Variants in DNAI4 observed in about 807,000 individuals in gnomAD.
DNAI4 encodes WD repeat domain 78.
In DNAI4, 85 loss-of-function variants were observed where a neutral mutation model predicts 105.8. The observed-to-expected ratio is 0.80, with a 90% confidence interval of 0.67 to 0.96. DNAI4 has a LOEUF of 0.96. Among genes scored for constraint, DNAI4 ranks in the 40% least tolerant of loss-of-function variants. DNAI4 has a pLI of 0.00. For missense variants in DNAI4, 1,014 were observed against 1,005.6 expected, an observed-to-expected ratio of 1.01 and a Z score of -0.11; for synonymous variants, 352 against 331.5, an observed-to-expected ratio of 1.06 and a Z score of -0.67.
At chr1:66,845,022 G>A (rs778966494) in intron 8 of DNAI4, among the ~76,000 whole-genome samples, 2 of 151,384 alleles carry the variant, frequency 1.3e-5, no homozygotes, top group East Asian at 1.9e-4. Flanking sequence ...GGTGAAACCC[G>A]GTCTCTACTA....
At chr1:66,842,072 G>A (rs1478845274) in intron 8 of DNAI4, among the ~76,000 whole-genome samples, 1 of 152,102 alleles carries the variant, frequency 6.6e-6, no homozygotes, top group Non-Finnish European at 1.5e-5. Flanking sequence ...TTATATAGTC[G>A]GAATCACACA....
intron 9 of DNAI4, among the ~76,000 whole-genome samples, chr1:66,838,960 C>T (rs188763964): frequency 6.4e-4 from 98 of 152,242 alleles, no homozygotes; most frequent in East Asian, 1.2e-3. Flanking sequence ...ACAGAGTTAA[C>T]GTTCAACAAA....
At chr1:66,831,362 T>A (rs1410185568) in intron 13 of DNAI4, among the ~76,000 whole-genome samples, 2 of 152,170 alleles carry the variant, frequency 1.3e-5, no homozygotes, top group Non-Finnish European at 2.9e-5. Context: ...CAATCTCTCT[T>A]CTAACCAAAG....
chr1:66,862,402 C>A (rs1232783287), intron 6 of DNAI4, 100 bp from the exon 7 acceptor site: 3 of 1,264,322 alleles, frequency 2.4e-6, no homozygotes, highest in Admixed American at 5.3e-5. Context: ...ATAAGAATAT[C>A]TACTATTGCC....
chr1:66,892,950 G>GAAGAAAGAAAGAAAGAAAGAAAGAAAGA (rs71058479), intron 3 of DNAI4, among the ~76,000 whole-genome samples: 12 of 91,974 alleles, frequency 1.3e-4, no homozygotes, highest in East Asian at 1.1e-3. Context: ...AGAAGAAAGA[G>GAAGAAAGAAAGAAAGAAAGAAAGAAAGA]AAGAAAGAAA....
At chr1:66,919,914 A>ACCCTTC in intron 1 of DNAI4, among the ~76,000 whole-genome samples, 1 of 152,320 alleles carries the variant, frequency 6.6e-6, no homozygotes, top group Middle Eastern at 3.4e-3. Flanking sequence ...GGATTGTCCA[A>ACCCTTC]CCCTTCCCCT....
At chr1:66,900,006 C>A (rs1356021239) in intron 2 of DNAI4, among the ~76,000 whole-genome samples, 1 of 152,156 alleles carries the variant, frequency 6.6e-6, no homozygotes, top group Non-Finnish European at 1.5e-5. Context: ...TCCTACTTTG[C>A]TCTTTTTCAG....
intron 2 of DNAI4, among the ~76,000 whole-genome samples, chr1:66,903,101 A>G (rs1648958144): frequency 6.6e-6 from 1 of 152,116 alleles, no homozygotes; most frequent in African/African-American, 2.4e-5. Context: ...TTTTGGAGGG[A>G]ATGTATTGAA....
At chr1:66,868,141 A>C (rs1646770997) in intron 6 of DNAI4, among the ~76,000 whole-genome samples, 1 of 152,204 alleles carries the variant, frequency 6.6e-6, no homozygotes, top group Non-Finnish European at 1.5e-5. Context: ...TCCTAGAATA[A>C]GTTGTTGCTA....
chr1:66,819,619 C>T (rs957906219), intron 16 of DNAI4, among the ~76,000 whole-genome samples: 11 of 151,936 alleles, frequency 7.2e-5, no homozygotes, highest in South Asian at 2.1e-4. Flanking sequence ...AATAAGTGTA[C>T]GAAATACTGC....
intron 6 of DNAI4, among the ~76,000 whole-genome samples, chr1:66,869,988 A>G (rs779073028): frequency 6.6e-6 from 1 of 152,234 alleles, no homozygotes; most frequent in African/African-American, 2.4e-5. Context: ...CTTCCACATA[A>G]AAGAAAACAT....
chr1:66,862,998 C>T lies in DNAI4; in HGVS notation c.941-696G>A, dbSNP rs546529436. Among the ~76,000 whole-genome samples the T allele has an allele frequency of 2.0e-5, 3 of 152,178 alleles. No homozygotes were observed. The East Asian group carries it at 5.8e-4, about 29-fold the overall frequency. On this transcript the variant is annotated intron_variant, in intron 6 of 16. Transcript: ENST00000371026. ...ACACTTATTATGTGAAAAGATTGCC[C>T]CTGCTGGGAAAATTGATAGACTCTG...
intron 7 of DNAI4, among the ~76,000 whole-genome samples, chr1:66,858,532 C>CAAAAAAAAAA (rs3033717): frequency 0.024 from 1,528 of 62,982 alleles, 50 homozygotes; most frequent in Non-Finnish European, 0.036. Context: ...GACTCCGTCT[C>CAAAAAAAAAA]AAAAAAAAAA....
intron 15 of DNAI4, among the ~76,000 whole-genome samples, chr1:66,825,945 T>C (rs1372014731): frequency 1.3e-5 from 2 of 152,234 alleles, no homozygotes; most frequent in Non-Finnish European, 2.9e-5. Flanking sequence ...AATTTCCAAC[T>C]GAAAAAGCAG....
In DNAI4 at chr1:66,843,570, G is replaced by A. The variant is rs79822989; in HGVS notation, c.1292-2899C>T. On this transcript the variant is annotated intron_variant, in intron 8 of 16. Coordinates refer to ENST00000371026, the MANE Select transcript of DNAI4 (RefSeq NM_024763.5). ...AGCTTATCAATTATGTCTCTCAATG[G>A]ATCATGCATTTGGTGTTGTATTTTA... is the stretch of plus-strand genomic sequence containing the variant. Among the ~76,000 whole-genome samples the A allele has an allele frequency of 1.0e-2, 1,522 of 152,210 alleles. 18 individuals carry two copies. Among genetic ancestry groups the A allele is most frequent in the Non-Finnish European group, 0.015 (1,052 of 67,992 alleles).
At chr1:66,855,732 A>G (rs1399542121) in intron 7 of DNAI4, among the ~76,000 whole-genome samples, 1 of 152,256 alleles carries the variant, frequency 6.6e-6, no homozygotes, top group Non-Finnish European at 1.5e-5. Flanking sequence ...GATAGAGTTG[A>G]AAGCACAAGT....
intron 6 of DNAI4, among the ~76,000 whole-genome samples, chr1:66,863,004 G>A (rs1646659971): frequency 6.6e-6 from 1 of 152,174 alleles, no homozygotes; most frequent in African/African-American, 2.4e-5. Flanking sequence ...TGCCCCTGCT[G>A]GGAAAATTGA....
At chr1:66,907,281 CCTT>C (rs1313040844) in intron 1 of DNAI4, among the ~76,000 whole-genome samples, 4 of 152,218 alleles carry the variant, frequency 2.6e-5, no homozygotes, top group African/African-American at 4.8e-5. Flanking sequence ...TCTTCAACCT[CCTT>C]GAGACCTCTA....
intron 1 of DNAI4, 58 bp from the exon 2 acceptor site, chr1:66,905,433 C>A (rs770377237): frequency 4.1e-4 from 485 of 1,194,060 alleles, no homozygotes; most frequent in Non-Finnish European, 4.0e-4. Context: ...GAAAAATCAA[C>A]CAACAATAAA....
Sources: allele counts gnomAD v4.1 joint callset (sites outside exome capture counted in the v4.1 genomes callset), GRCh38; gene constraint gnomAD v4.1.1; transcripts MANE v1.5; gene names NCBI Gene and HGNC (gene_info 2026-07-23, HGNC 2026-07-21).